Variants in CBLB observed in about 807,000 individuals in gnomAD.
CBLB encodes the protein Cbl proto-oncogene B.
Under a neutral mutation model 104.9 loss-of-function variants are expected in CBLB, and 31 were observed. The observed-to-expected ratio is 0.30, with a 90% CI of 0.22 to 0.40. The LOEUF is 0.40. CBLB is among the 10% of genes least tolerant of loss of function. The pLI is 1.00. For synonymous variants in CBLB, 440 were observed against 422.6 expected (o/e 1.04, Z -0.51); for missense variants, 1,062 against 1,214.6 (o/e 0.87, Z 1.87).
rs150691986 is a variant in CBLB at position 105,658,074 on chromosome 3, A to G, written c.*896T>C. 6.6e-4 allele frequency: 143 copies of G among 216,036 alleles called. No homozygotes were observed. Among genetic ancestry groups the G allele is most frequent in the African/African-American group, 2.8e-3 (125 of 44,528 alleles). The allele number at this position is 216,036 out of a possible 1,614,324, so 13.4% of individuals were successfully genotyped here. On this transcript the variant is annotated 3_prime_UTR_variant, in exon 19 of 19. Coordinates refer to ENST00000394030, the MANE Select transcript of CBLB (RefSeq NM_170662.5). Reference sequence around the variant, plus strand: ...CAGCATCCCTCAAAGTAATGCAGGCATAAGTATCAGGGGACCTTGTTATAT... The same window carrying G: ...CAGCATCCCTCAAAGTAATGCAGGCGTAAGTATCAGGGGACCTTGTTATAT...
chr3:105,840,325 T>C (rs982036092), intron 3 of CBLB, among the ~76,000 whole-genome samples: 1 of 152,000 alleles, frequency 6.6e-6, no homozygotes, highest in African/African-American at 2.4e-5. Context: ...GAAAAAGGTA[T>C]ACTTGAAAAA....
At chr3:105,750,120 ACCATTCTCCTGCCTCAG>A (rs1007240149) in intron 5 of CBLB, among the ~76,000 whole-genome samples, 7 of 151,468 alleles carry the variant, frequency 4.6e-5, no homozygotes, top group Non-Finnish European at 8.8e-5. Flanking sequence ...CCGGGTTCAC[ACCATTCTCCTGCCTCAG>A]CCTCCCAAGT....
At chr3:105,772,906 T>C (rs1306447853) in intron 4 of CBLB, among the ~76,000 whole-genome samples, 3 of 152,150 alleles carry the variant, frequency 2.0e-5, no homozygotes, top group African/African-American at 7.2e-5. Flanking sequence ...ACGTGGATGT[T>C]GTGAAAAGGG....
chr3:105,751,983 T>G (rs1322106114), intron 4 of CBLB, among the ~76,000 whole-genome samples: 1 of 152,204 alleles, frequency 6.6e-6, no homozygotes, highest in African/African-American at 2.4e-5. Flanking sequence ...AATTCTCATT[T>G]TCTAAAAACA....
At chr3:105,775,731 T>A (rs1198908510) in intron 4 of CBLB, among the ~76,000 whole-genome samples, 2 of 152,234 alleles carry the variant, frequency 1.3e-5, no homozygotes, top group Non-Finnish European at 2.9e-5. Context: ...CCTTAGATAT[T>A]CAATTCCATT....
chr3:105,694,432 T>G (rs1031396717), intron 12 of CBLB, among the ~76,000 whole-genome samples: 4 of 151,932 alleles, frequency 2.6e-5, no homozygotes, highest in Non-Finnish European at 5.9e-5. Context: ...TCATTAGATT[T>G]TTATCATGGA....
At chr3:105,858,996 C>T (rs1340688577) in intron 2 of CBLB, among the ~76,000 whole-genome samples, 10 of 152,064 alleles carry the variant, frequency 6.6e-5, no homozygotes, top group Admixed American at 1.3e-4. Context: ...CATATCAAAG[C>T]AAAAGCACAA....
Position 105,751,547 on chromosome 3 carries a change from G to C in CBLB, c.638C>G (p.Ala213Gly). Reference sequence around the variant, plus strand: ...ATCAATTGTTGATTTTAGAGCCATTGCTTCCAGGCCAGAGCTAATCTGGTG... The same window carrying C: ...ATCAATTGTTGATTTTAGAGCCATTCCTTCCAGGCCAGAGCTAATCTGGTG... ...EVHQISSGLEAMALKSTIDLT... is the reference protein window; with the variant it reads ...EVHQISSGLEGMALKSTIDLT... The change falls in exon 5 of 19, where the codon GCA becomes GGA. Residue 213 changes from alanine (A) to glycine (G), a missense_variant. Around this residue, in one of 2 missense-constraint regions of CBLB, gnomAD observed 457 missense variants for 632.0 expected, o/e 0.72. Transcript: ENST00000394030. 6.2e-7 allele frequency: 1 copy of C among 1,610,444 alleles called. No individual in the cohort carries two copies. Among genetic ancestry groups the C allele is most frequent in the Non-Finnish European group, 8.5e-7 (1 of 1,176,746 alleles).
intron 3 of CBLB, among the ~76,000 whole-genome samples, chr3:105,842,439 ATCTGGCTATC>A (rs1263428594): frequency 6.6e-6 from 1 of 152,212 alleles, no homozygotes; most frequent in East Asian, 1.9e-4. Flanking sequence ...AAAAAGAGAT[ATCTGGCTATC>A]TCCTTTGACA....
chr3:105,671,173 TG>T (rs2065024254), intron 17 of CBLB: 2 of 195,990 alleles, frequency 1.0e-5, no homozygotes, highest in Non-Finnish European at 1.1e-5. Flanking sequence ...TAGTATTATA[TG>T]GGTTTAAATT....
chr3:105,763,140 G>A (rs1257944786), intron 4 of CBLB, among the ~76,000 whole-genome samples: 2 of 152,178 alleles, frequency 1.3e-5, no homozygotes, highest in Non-Finnish European at 2.9e-5. Context: ...GTATTTCCCA[G>A]TGCCTGTATC....
intron 10 of CBLB, among the ~76,000 whole-genome samples, chr3:105,711,222 A>C (rs2071018883): frequency 6.6e-6 from 1 of 152,034 alleles, no homozygotes; most frequent in Non-Finnish European, 1.5e-5. Context: ...CAAGATTTTT[A>C]CTTAATGAAT....
Position 105,851,225 on chromosome 3 carries a change from T to A in CBLB, c.419+2189A>T, listed in dbSNP as rs145576993. On this transcript the variant is annotated intron_variant, in intron 3 of 18. Coordinates refer to ENST00000394030, the MANE Select transcript of CBLB (RefSeq NM_170662.5). ...CATAAAGAAATGAGCTACCAAGTTATGAAAAGACATGGAGGAACCTAAAAT... is the reference window on the plus strand; with the variant it reads ...CATAAAGAAATGAGCTACCAAGTTAAGAAAAGACATGGAGGAACCTAAAAT... Among the ~76,000 whole-genome samples, 1,232 of 152,224 alleles carry A rather than the reference T, an allele frequency of 8.1e-3. 7 individuals are homozygous for A. The highest frequency in any genetic ancestry group is 0.014 in the Non-Finnish European group (936 of 67,998).
chr3:105,760,721 T>C lies in CBLB; in HGVS notation c.567-9103A>G, dbSNP rs530772529. Among the ~76,000 whole-genome samples the C allele has an allele frequency of 8.4e-4, 127 of 151,952 alleles. 1 individual carries two copies. The highest frequency in any genetic ancestry group is 3.0e-3 in the African/African-American group (125 of 41,350). On this transcript the variant is annotated intron_variant, in intron 4 of 18. Coordinates refer to ENST00000394030, the MANE Select transcript of CBLB (RefSeq NM_170662.5). ...AGTGAAGTCTCCTAGATGTATAAGA[T>C]AAACTGAGGCAAAAAATAAAGAGCT... is the stretch of plus-strand genomic sequence containing the variant.
At chr3:105,705,329 T>C (rs1459532804) in intron 10 of CBLB, among the ~76,000 whole-genome samples, 1 of 152,220 alleles carries the variant, frequency 6.6e-6, no homozygotes, top group Non-Finnish European at 1.5e-5. Flanking sequence ...CTTTTGTTAA[T>C]TAACTAAAAT....
intron 3 of CBLB, among the ~76,000 whole-genome samples, chr3:105,811,528 G>A: frequency 6.6e-6 from 1 of 152,082 alleles, no homozygotes; most frequent in East Asian, 1.9e-4. Context: ...AAATATGAAT[G>A]AGCTCTGTGG....
chr3:105,822,195 C>T (rs2153059742), intron 3 of CBLB, among the ~76,000 whole-genome samples: 1 of 152,152 alleles, frequency 6.6e-6, no homozygotes, highest in South Asian at 2.1e-4. Flanking sequence ...ACCAATGTAT[C>T]AACAAATTAC....
intron 10 of CBLB, among the ~76,000 whole-genome samples, chr3:105,713,991 G>A (rs2071483404): frequency 6.6e-6 from 1 of 152,144 alleles, no homozygotes; most frequent in Non-Finnish European, 1.5e-5. Flanking sequence ...CCCTCAAGAG[G>A]TAAAATTGCC....
At chr3:105,717,220 C>G (rs2072028900) in intron 10 of CBLB, among the ~76,000 whole-genome samples, 1 of 152,160 alleles carries the variant, frequency 6.6e-6, no homozygotes, top group Non-Finnish European at 1.5e-5. Context: ...CCTACCCTCT[C>G]ACATGGATCA....
Sources: gnomAD v4.1 joint callset for allele counts (sites outside exome capture counted in the v4.1 genomes callset) on GRCh38, gnomAD v4.1.1 for gene constraint, gnomAD v4.1.1 regional missense constraint, MANE v1.5 for transcripts, NCBI Gene and HGNC (gene_info 2026-07-23, HGNC 2026-07-21) for gene names.